RBM14: variants seen among roughly 807,000 people sequenced by gnomAD.
The protein encoded by RBM14 is RNA binding motif protein 14.
A neutral mutation model predicts 52.8 loss-of-function variants in RBM14; 5 were observed. That is an observed-to-expected ratio of 0.09 (90% confidence interval 0.05 to 0.20). The LOEUF is 0.20. Among genes scored for constraint, RBM14 ranks in the 10% least tolerant of loss-of-function variants. The pLI, the probability that RBM14 is intolerant of heterozygous loss-of-function variation, is 1.00. For missense variants in RBM14, 780 were observed against 926.6 expected (o/e 0.84, Z 2.05); for synonymous variants, 411 against 401.8 (o/e 1.02, Z -0.28).
At chr11:66,617,090 C>T in intron 1 of RBM14, 33 bp downstream of exon 1, 1 of 1,548,956 alleles carries the variant, frequency 6.5e-7, no homozygotes. Context: ...GGCGGGGGCG[C>T]GCTCGGGGCA....
At chr11:66,623,209 A>G (rs966655290) in intron 1 of RBM14, among the ~76,000 whole-genome samples, 5 of 152,198 alleles carry the variant, frequency 3.3e-5, no homozygotes, top group African/African-American at 1.2e-4. Flanking sequence ...CTGCTCTGTG[A>G]ACAGAAGCCC....
intron 1 of RBM14, chr11:66,618,605 G>T: frequency 1.4e-6 from 1 of 716,798 alleles, no homozygotes; most frequent in Non-Finnish European, 2.6e-6. Context: ...GAGTGGTGGG[G>T]GAGGGTCTCA....
In RBM14 at chr11:66,626,680, G is replaced by A. The variant is rs769337208; in HGVS notation, c.*12G>A. ...AGCGCCGCATGTAGGGCCATCCTGG[G>A]ATGGGGCACCACAGGGAGGGAGGGA... On this transcript the variant is annotated 3_prime_UTR_variant, in exon 3 of 3. Transcript: ENST00000310137. 6.3e-7 allele frequency: 1 copy of A among 1,593,608 alleles called. No homozygotes were observed. The highest frequency in any genetic ancestry group is 1.7e-5 in the Admixed American group (1 of 58,262).
rs1937876335 is a variant in RBM14, at chr11:66,627,604, AGTAAATGATGCCCATTTTCCTCT to A, written c.*938_*960del. Among the ~76,000 whole-genome samples the A allele has an allele frequency of 6.6e-6, 1 of 152,214 alleles. No homozygotes were observed. Among genetic ancestry groups the A allele is most frequent in the African/African-American group, 2.4e-5 (1 of 41,466 alleles). On this transcript the variant is annotated 3_prime_UTR_variant, in exon 3 of 3. Coordinates refer to ENST00000310137, the MANE Select transcript of RBM14 (RefSeq NM_006328.4). Reference sequence around the variant, plus strand: ...ACTTGAGTTAGTCACACCAAAATGCAGTAAATGATGCCCATTTTCCTCTGCCTGTGCTTGACCATTTTCACTGA... The same window carrying A: ...ACTTGAGTTAGTCACACCAAAATGCAGCCTGTGCTTGACCATTTTCACTGA...
chr11:66,626,393 C>T, intron 2 of RBM14, 68 bp from the exon 3 acceptor site: 1 of 1,447,606 alleles, frequency 6.9e-7, no homozygotes, highest in Non-Finnish European at 9.6e-7. Flanking sequence ...ATTGGCATCT[C>T]CCCAATGCCC....
Position 66,625,210 on chromosome 11 carries a change from A to G in RBM14, c.1334A>G (p.Gln445Arg). Reference protein sequence around the residue: ...QPATAAAYASQPAAYAAQATT... With the variant: ...QPATAAAYASRPAAYAAQATT... ...GCCACAGCTGCTGCCTATGCCAGCC[A>G]GCCAGCAGCCTACGCCGCACAAGCC... is the stretch of plus-strand genomic sequence containing the variant. The change falls in exon 2 of 3, where the codon CAG becomes CGG. Residue 445 changes from glutamine (Q) to arginine (R), a missense_variant. Around this residue, in one of 4 missense-constraint regions of RBM14, gnomAD observed 675 missense variants for 697.3 expected, o/e 0.97. Transcript: ENST00000310137. This position sits in a 1 kb window ranked among gnomAD's most constrained non-coding sequence, Gnocchi z 4.2. 1 of 1,611,804 alleles carries G rather than the reference A, an allele frequency of 6.2e-7. No individual in the cohort carries two copies. The highest frequency in any genetic ancestry group is 1.6e-4 in the Middle Eastern group (1 of 6,062).
chr11:66,619,435 T>C (rs907694115), intron 1 of RBM14: 1 of 152,170 alleles, frequency 6.6e-6, no homozygotes, highest in Non-Finnish European at 1.5e-5. Flanking sequence ...ATGAACAGCT[T>C]CCGGAAACAT....
chr11:66,618,087 T>C (rs1463697212), intron 1 of RBM14, among the ~76,000 whole-genome samples: 1 of 152,164 alleles, frequency 6.6e-6, no homozygotes, highest in Non-Finnish European at 1.5e-5. Context: ...CCAGTTGACT[T>C]TTTCATAGCT....
At chr11:66,621,317 C>T (rs1325857164) in intron 1 of RBM14, among the ~76,000 whole-genome samples, 1 of 151,940 alleles carries the variant, frequency 6.6e-6, no homozygotes, top group Non-Finnish European at 1.5e-5. Flanking sequence ...TAGCTTTTCA[C>T]AGGTGGTAGA....
chr11:66,623,896 T>C (rs1937660115), intron 1 of RBM14: 1 of 717,818 alleles, frequency 1.4e-6, no homozygotes, highest in Non-Finnish European at 2.6e-6. Context: ...GGTTTGTACT[T>C]ACAGGAGATG....
At chr11:66,622,092 T>A (rs1265243729) in intron 1 of RBM14, among the ~76,000 whole-genome samples, 1 of 151,960 alleles carries the variant, frequency 6.6e-6, no homozygotes, top group East Asian at 1.9e-4. Context: ...ATTTTTGTAT[T>A]TTTAGTAGAG....
intron 1 of RBM14, chr11:66,620,976 G>A (rs1859079328): frequency 6.6e-6 from 1 of 151,770 alleles, no homozygotes; most frequent in African/African-American, 2.4e-5. Context: ...TCAGCCTCTG[G>A]TTTTATTTTT....
intron 1 of RBM14, chr11:66,619,533 G>C (rs1170825799): frequency 6.6e-6 from 1 of 151,872 alleles, no homozygotes; most frequent in Admixed American, 6.6e-5. Context: ...TTCCTATACA[G>C]AGCTCTGTAG....
In RBM14 at chr11:66,616,710, G is replaced by T. The variant is rs1590838115; in HGVS notation, c.-11G>T. 1.3e-6 allele frequency: 2 copies of T among 1,585,256 alleles called. No homozygotes were observed. Among genetic ancestry groups the T allele is most frequent in the Non-Finnish European group, 1.7e-6 (2 of 1,160,150 alleles). Reference sequence around the variant, plus strand: ...GTCCGGGCTCTCCAGGAAGGTGGCTGCGGCGACAAAATGAAGATATTCGTG... The same window carrying T: ...GTCCGGGCTCTCCAGGAAGGTGGCTTCGGCGACAAAATGAAGATATTCGTG... On this transcript the variant is annotated 5_prime_UTR_variant, in exon 1 of 3. Coordinates refer to ENST00000310137, the MANE Select transcript of RBM14 (RefSeq NM_006328.4).
At chr11:66,617,127 C>G (rs1394166908) in intron 1 of RBM14, 70 bp downstream of exon 1, 17 of 1,515,446 alleles carry the variant, frequency 1.1e-5, no homozygotes, top group Non-Finnish European at 1.5e-5. Context: ...CGCCCCTTAC[C>G]CGGGGGTCGG....
chr11:66,624,356 G>T lies in RBM14; in HGVS notation c.480G>T (p.Gln160His), dbSNP rs1005049477. 2 of 1,614,050 alleles carry T rather than the reference G, an allele frequency of 1.2e-6. No individual in the cohort carries two copies. Among genetic ancestry groups the T allele is most frequent in the Non-Finnish European group, 1.7e-6 (2 of 1,179,998 alleles). ...GQKKGPGLAV[Q>H]SGDKTKKPGA... ...AGAAGGGGCCTGGCCTGGCTGTCCA[G>T]TCTGGGGACAAGACCAAGAAACCAG... is the stretch of plus-strand genomic sequence containing the variant. Residue 160 changes from glutamine to histidine, a missense_variant, in exon 2 of 3, where the codon CAG becomes CAT. Around this residue, in one of 4 missense-constraint regions of RBM14, gnomAD observed 675 missense variants for 697.3 expected, o/e 0.97. Transcript: ENST00000310137. This position sits in a 1 kb window ranked among gnomAD's most constrained non-coding sequence, Gnocchi z 4.7.
At position 66,624,427 on chromosome 11, in the gene RBM14, C is replaced by T. The variant is rs1176160615; in HGVS notation, c.551C>T (p.Thr184Ile). The T allele has an allele frequency of 1.9e-6, 3 of 1,614,144 alleles. No individual in the cohort carries two copies. The highest frequency in any genetic ancestry group is 2.5e-6 in the Non-Finnish European group (3 of 1,179,978). ...CCTGGAACTGGTGGCTTCTCTGCCA[C>T]CTTCGACTACCAGCAGGCTTTTGGC... is the stretch of plus-strand genomic sequence containing the variant. ...AFPGTGGFSA[T>I]FDYQQAFGNS... Residue 184 changes from threonine to isoleucine, a missense_variant, in exon 2 of 3, where the codon ACC (threonine) becomes ATC (isoleucine). Thr to Ile is a moderately conservative substitution (Grantham distance 89). Transcript: ENST00000310137. This position sits in a 1 kb window ranked among gnomAD's most constrained non-coding sequence, Gnocchi z 4.7.
rs1937775520 is a variant in RBM14, at chr11:66,625,796, T to C, written c.1802+118T>C. 2 of 813,678 alleles carry C rather than the reference T, an allele frequency of 2.5e-6. No individual in the cohort carries two copies. The highest frequency in any genetic ancestry group is 3.5e-5 in the African/African-American group (2 of 57,862). 50.4% of individuals were successfully genotyped at this position (813,678 alleles called of 1,614,324 possible). ...CCCTCGGTCTTCTCTTCTCTATTTTTGTGGGATGTCCAGAGGCCGAGGGGA... is the reference window on the plus strand; with the variant it reads ...CCCTCGGTCTTCTCTTCTCTATTTTCGTGGGATGTCCAGAGGCCGAGGGGA... On this transcript the variant is annotated intron_variant, in intron 2 of 2. Transcript: ENST00000310137. The surrounding 1 kb of genome is among the most constrained non-coding windows in gnomAD (Gnocchi z 4.2).
rs776303851 is a variant in RBM14, at chr11:66,625,048, C to T, written c.1172C>T (p.Ser391Phe). 4.3e-6 allele frequency: 7 copies of T among 1,613,064 alleles called. No homozygotes were observed. Among genetic ancestry groups the T allele is most frequent in the African/African-American group, 1.3e-5 (1 of 74,648 alleles). The change falls in exon 2 of 3, where the codon TCC becomes TTC. Residue 391 changes from serine (S) to phenylalanine (F), a missense_variant. This residue lies in a region of RBM14 where 675 missense variants were observed against 697.3 expected (regional missense o/e 0.97). Transcript: ENST00000310137. The surrounding 1 kb of genome is among the most constrained non-coding windows in gnomAD (Gnocchi z 4.2). The part of the protein sequence containing the change: ...AASYGAQSAA[S>F]SLAYGAQAAS... ...TCCTATGGGGCCCAGTCTGCAGCCTCCTCACTAGCTTATGGAGCCCAGGCA... is the reference window on the plus strand; with the variant it reads ...TCCTATGGGGCCCAGTCTGCAGCCTTCTCACTAGCTTATGGAGCCCAGGCA...
Sources: allele counts gnomAD v4.1 joint callset (sites outside exome capture counted in the v4.1 genomes callset), GRCh38; gene constraint gnomAD v4.1.1; regional missense constraint gnomAD v4.1.1; non-coding constraint Gnocchi (gnomAD v3.1); transcripts MANE v1.5; gene names NCBI Gene and HGNC (gene_info 2026-07-23, HGNC 2026-07-21).